The following USP34 variants were observed in gnomAD, a reference collection of about 807,000 sequenced individuals.
The protein encoded by USP34 is ubiquitin specific peptidase 34, also known as ubiquitin carboxyl-terminal hydrolase 34.
Under a neutral mutation model 460.3 loss-of-function variants are expected in USP34, and 70 were observed. The observed-to-expected ratio is 0.15, with a 90% CI of 0.13 to 0.19. USP34 has a LOEUF of 0.19. USP34 is among the 10% of genes least tolerant of loss of function. USP34 has a pLI of 1.00. For missense variants in USP34, 3,985 were observed against 4,236.2 expected (o/e 0.94, Z 1.65); for synonymous variants, 1,647 against 1,405.3 (o/e 1.17, Z -3.85).
intron 18 of USP34, among the ~76,000 whole-genome samples, chr2:61,336,939 T>C (rs2103745608): frequency 6.6e-6 from 1 of 152,304 alleles, no homozygotes; most frequent in East Asian, 1.9e-4. Flanking sequence ...CTGCAATTAT[T>C]TGCCTAAATC....
chr2:61,402,077 T>G (rs1693737876), intron 3 of USP34, among the ~76,000 whole-genome samples: 1 of 151,404 alleles, frequency 6.6e-6, no homozygotes, highest in Admixed American at 6.6e-5. Context: ...ATAAACCCCA[T>G]AAACACAGAT....
intron 67 of USP34, among the ~76,000 whole-genome samples, chr2:61,216,097 GTTTA>G (rs916595113): frequency 6.6e-6 from 1 of 152,106 alleles, no homozygotes; most frequent in East Asian, 1.9e-4. Flanking sequence ...ATTAATTTTA[GTTTA>G]TTTTACAAAT....
chr2:61,288,306 C>T (rs748798491), intron 34 of USP34, among the ~76,000 whole-genome samples: 17 of 152,326 alleles, frequency 1.1e-4, no homozygotes, highest in Non-Finnish European at 2.1e-4. Context: ...TACCTCACCA[C>T]TCCCTTTTGT....
intron 5 of USP34, 101 bp downstream of exon 5, chr2:61,394,752 T>A (rs916863045): frequency 2.2e-6 from 2 of 926,192 alleles, no homozygotes; most frequent in African/African-American, 3.5e-5. Flanking sequence ...AAATTACACA[T>A]GCAAATCATT....
intron 10 of USP34, among the ~76,000 whole-genome samples, chr2:61,362,324 A>G (rs1401172754): frequency 1.3e-5 from 2 of 152,196 alleles, no homozygotes; most frequent in Non-Finnish European, 2.9e-5. Flanking sequence ...TCCAAAGGAA[A>G]TGAAATCACT....
chr2:61,459,355 A>C lies in USP34; in HGVS notation c.43+11295T>G, dbSNP rs13410367. Among the ~76,000 whole-genome samples the C allele has an allele frequency of 6.0e-3, 920 of 152,336 alleles. 7 individuals carry two copies. Among genetic ancestry groups the C allele is most frequent in the African/African-American group, 0.021 (873 of 41,580 alleles). On this transcript the variant is annotated intron_variant, in intron 1 of 79. Coordinates refer to ENST00000398571, the MANE Select transcript of USP34 (RefSeq NM_014709.4). Reference sequence around the variant, plus strand: ...GAAGTACCTTCAAGGAAAACACTGTATAAGAAATTTCAGTGTTCAAATAGC... The same window carrying C: ...GAAGTACCTTCAAGGAAAACACTGTCTAAGAAATTTCAGTGTTCAAATAGC...
In USP34 at chr2:61,349,270, C is replaced by T. The variant is rs755693395; in HGVS notation, c.1523G>A (p.Arg508Lys). 4 of 1,613,272 alleles carry T rather than the reference C, an allele frequency of 2.5e-6. No homozygotes were observed. Among genetic ancestry groups the T allele is most frequent in the African/African-American group, 1.3e-5 (1 of 74,902 alleles). ...IGNKKEEEELRRTAPSPWSPA... is the reference protein window; with the variant it reads ...IGNKKEEEELKRTAPSPWSPA... Reference sequence around the variant, plus strand: ...CTTACAAGGTGATGGAGCTGTTCTTCTAAGCTCTTCTTCCTCTGAAGGAAA... The same window carrying T: ...CTTACAAGGTGATGGAGCTGTTCTTTTAAGCTCTTCTTCCTCTGAAGGAAA... The change falls in exon 13 of 80, where the codon AGA becomes AAA. Residue 508 changes from arginine (R) to lysine (K), a missense_variant. Arg to Lys is a conservative substitution (Grantham distance 26). Around this residue, in one of 14 missense-constraint regions of USP34, gnomAD observed 716 missense variants for 626.2 expected, o/e 1.14. Transcript: ENST00000398571.
chr2:61,277,053 G>C (rs1689393307), intron 41 of USP34, among the ~76,000 whole-genome samples: 1 of 152,136 alleles, frequency 6.6e-6, no homozygotes, highest in Non-Finnish European at 1.5e-5. Context: ...TGTTGGTTCA[G>C]AGTCACGAAG....
intron 27 of USP34, among the ~76,000 whole-genome samples, chr2:61,307,810 G>T (rs866049282): frequency 1.3e-5 from 2 of 151,362 alleles, no homozygotes; most frequent in Non-Finnish European, 2.9e-5. Context: ...GACTTTGGAC[G>T]GCCAAGGGGG....
intron 41 of USP34, among the ~76,000 whole-genome samples, chr2:61,274,523 C>A (rs72886810): frequency 6.0e-5 from 9 of 149,760 alleles, no homozygotes; most frequent in African/African-American, 2.2e-4. Flanking sequence ...TAGTTAAGGA[C>A]TATAACATAC....
intron 22 of USP34, among the ~76,000 whole-genome samples, chr2:61,318,057 G>T (rs1002639380): frequency 6.6e-6 from 1 of 151,940 alleles, no homozygotes; most frequent in Non-Finnish European, 1.5e-5. Flanking sequence ...GCCGGGCATG[G>T]TGGTGTGTGG....
intron 53 of USP34, among the ~76,000 whole-genome samples, chr2:61,237,618 A>T (rs149702628): frequency 1.2e-4 from 14 of 118,058 alleles, no homozygotes; most frequent in African/African-American, 3.0e-4. Context: ...CCTGGGCTGG[A>T]GTGCAGCAGC....
In USP34 at chr2:61,348,500, GATTTAAATAAAT is replaced by G. The variant is rs1474798004; in HGVS notation, c.1675-32_1675-21del. 6.3e-7 allele frequency: 1 copy of G among 1,593,140 alleles called. No homozygotes were observed. Among genetic ancestry groups the G allele is most frequent in the Non-Finnish European group, 8.5e-7 (1 of 1,172,312 alleles). ...GGATTCCTGTATTTTGAAACAAATA[GATTTAAATAAAT>G]ATTTAAACCAGTAAGAAAAAAGGTA... On this transcript the variant is annotated intron_variant, in intron 14 of 79. Transcript: ENST00000398571.
Position 61,348,017 on chromosome 2 carries a change from T to A in USP34, c.2138A>T (p.His713Leu). ...AGACTCCTGAGACCCTTGTGCTATA[T>A]GAGTAGCATTCATTTCCCCTGAAAT... ...HDISGEMNAT[H>L]IAQGSQESCI... is the part of the protein sequence containing the mutation. The change falls in exon 15 of 80, where the codon CAT becomes CTT. Residue 713 changes from histidine (H) to leucine (L), a missense_variant. Coordinates refer to ENST00000398571, the MANE Select transcript of USP34 (RefSeq NM_014709.4). 6.2e-7 allele frequency: 1 copy of A among 1,614,204 alleles called. No individual in the cohort carries two copies. Among genetic ancestry groups the A allele is most frequent in the Non-Finnish European group, 8.5e-7 (1 of 1,180,020 alleles).
At chr2:61,221,839 T>C (rs1687597060) in intron 65 of USP34, 2 of 367,612 alleles carry the variant, frequency 5.4e-6, no homozygotes, top group Non-Finnish European at 9.7e-6. Flanking sequence ...CAAGAGTATT[T>C]TGGAAAAGAT....
chr2:61,463,212 C>G (rs988082413), intron 1 of USP34, among the ~76,000 whole-genome samples: 1 of 152,010 alleles, frequency 6.6e-6, no homozygotes, highest in Non-Finnish European at 1.5e-5. Flanking sequence ...CAGCATACCC[C>G]AACACTTTGG....
chr2:61,281,399 G>T (rs1319183484), intron 37 of USP34, among the ~76,000 whole-genome samples, 157 bp from the exon 38 acceptor site: 1 of 152,196 alleles, frequency 6.6e-6, no homozygotes, highest in African/African-American at 2.4e-5. Flanking sequence ...ATAACCTGTG[G>T]CCAGGTATCT....
At chr2:61,389,307 CAT>C (rs1416623319) in intron 5 of USP34, among the ~76,000 whole-genome samples, 1 of 152,110 alleles carries the variant, frequency 6.6e-6, no homozygotes, top group African/African-American at 2.4e-5. Flanking sequence ...CACTGAGCCA[CAT>C]GTTATCACTT....
intron 66 of USP34, among the ~76,000 whole-genome samples, chr2:61,221,269 T>C (rs1290708455): frequency 6.6e-6 from 1 of 152,160 alleles, no homozygotes; most frequent in Non-Finnish European, 1.5e-5. Flanking sequence ...TTATGGAACT[T>C]TGGAGGGTAG....
Sources: allele counts gnomAD v4.1 joint callset (sites outside exome capture counted in the v4.1 genomes callset), GRCh38; gene constraint gnomAD v4.1.1; regional missense constraint gnomAD v4.1.1; transcripts MANE v1.5; gene names NCBI Gene and HGNC (gene_info 2026-07-23, HGNC 2026-07-21).